The following NKAIN2 variants were observed in gnomAD, a reference collection of about 807,000 sequenced individuals.
NKAIN2 encodes sodium/potassium-transporting ATPase subunit beta-1-interacting protein 2.
In NKAIN2, 14 loss-of-function variants were observed where a neutral mutation model predicts 32.6. That is an observed-to-expected ratio of 0.43 (90% CI 0.28 to 0.67). The LOEUF is 0.67. Among genes scored for constraint, NKAIN2 ranks in the 30% least tolerant of loss-of-function variants. The pLI, the probability that NKAIN2 is intolerant of heterozygous loss-of-function variation, is 0.17. For synonymous variants in NKAIN2, 80 were observed against 87.2 expected, an observed-to-expected ratio of 0.92 and a Z score of 0.46; for missense variants, 198 against 258.3, an observed-to-expected ratio of 0.77 and a Z score of 1.60.
intron 2 of NKAIN2, among the ~76,000 whole-genome samples, chr6:124,289,114 T>C (rs972201254): frequency 6.6e-6 from 1 of 152,224 alleles, no homozygotes; most frequent in Admixed American, 6.5e-5. Context: ...ACTCTAAGAC[T>C]GTCATAATAA....
chr6:124,136,376 G>C (rs773329638), intron 1 of NKAIN2, among the ~76,000 whole-genome samples: 1 of 151,786 alleles, frequency 6.6e-6, no homozygotes, highest in Non-Finnish European at 1.5e-5. Flanking sequence ...TTAAAAAGTT[G>C]CCAACAAAAA....
At chr6:124,520,718 C>A (rs1172346574) in intron 3 of NKAIN2, among the ~76,000 whole-genome samples, 2 of 152,076 alleles carry the variant, frequency 1.3e-5, no homozygotes, top group African/African-American at 4.8e-5. Context: ...AATTCTTATT[C>A]ATTATTTACA....
intron 1 of NKAIN2, among the ~76,000 whole-genome samples, chr6:124,192,455 A>T (rs757099444): frequency 5.9e-4 from 89 of 152,128 alleles, no homozygotes; most frequent in Non-Finnish European, 1.1e-3. Flanking sequence ...CAAAGAACAT[A>T]TTGTATAAGA....
chr6:124,598,220 G>GT (rs1363797449), intron 3 of NKAIN2, among the ~76,000 whole-genome samples: 1 of 152,114 alleles, frequency 6.6e-6, no homozygotes, highest in Non-Finnish European at 1.5e-5. Context: ...ATGCCTCTAT[G>GT]TTTTTTAGTT....
intron 1 of NKAIN2, among the ~76,000 whole-genome samples, chr6:124,126,182 A>G (rs1270476485): frequency 1.3e-5 from 2 of 152,068 alleles, no homozygotes; most frequent in Admixed American, 1.3e-4. Flanking sequence ...TCCACCCACA[A>G]TACTGTCTGT....
chr6:123,993,875 A>ATTT (rs1779509268), intron 1 of NKAIN2, among the ~76,000 whole-genome samples: 1 of 152,202 alleles, frequency 6.6e-6, no homozygotes, highest in African/African-American at 2.4e-5. Flanking sequence ...TTCCAATAGA[A>ATTT]CCATGCTACA....
At chr6:124,156,143 C>T (rs755593152) in intron 1 of NKAIN2, among the ~76,000 whole-genome samples, 10 of 151,950 alleles carry the variant, frequency 6.6e-5, no homozygotes, top group Middle Eastern at 3.4e-3. Flanking sequence ...TGATTTTAGA[C>T]ACTTAAGGGG....
chr6:124,135,086 G>A (rs958822901), intron 1 of NKAIN2, among the ~76,000 whole-genome samples: 1 of 151,972 alleles, frequency 6.6e-6, no homozygotes, highest in South Asian at 2.1e-4. Context: ...GAGAGAATTC[G>A]CCACTACCAA....
chr6:124,513,076 A>G (rs1778777425), intron 3 of NKAIN2, among the ~76,000 whole-genome samples: 1 of 152,188 alleles, frequency 6.6e-6, no homozygotes, highest in Non-Finnish European at 1.5e-5. Context: ...AAAATGAATC[A>G]GTGGAAAAGA....
At chr6:124,403,709 A>C (rs1773726403) in intron 3 of NKAIN2, among the ~76,000 whole-genome samples, 2 of 152,196 alleles carry the variant, frequency 1.3e-5, no homozygotes, top group African/African-American at 4.8e-5. Context: ...GAGAGAAATC[A>C]AAAACAGATA....
chr6:123,928,736 C>A (rs1396952899), intron 1 of NKAIN2, among the ~76,000 whole-genome samples: 1 of 152,098 alleles, frequency 6.6e-6, no homozygotes, highest in Non-Finnish European at 1.5e-5. Context: ...CTGTATGAAT[C>A]AGTAATTTCA....
chr6:124,367,624 C>T (rs921075291), intron 3 of NKAIN2, among the ~76,000 whole-genome samples: 1 of 152,106 alleles, frequency 6.6e-6, no homozygotes, highest in African/African-American at 2.4e-5. Context: ...TCCCTAACTG[C>T]TATGTGATTA....
intron 1 of NKAIN2, among the ~76,000 whole-genome samples, chr6:124,020,161 A>G (rs1780801292): frequency 6.6e-6 from 1 of 152,158 alleles, no homozygotes; most frequent in Non-Finnish European, 1.5e-5. Context: ...TGTGAAGTGT[A>G]CATCTGTACC....
At chr6:124,751,233 A>C (rs1777703516) in intron 4 of NKAIN2, among the ~76,000 whole-genome samples, 1 of 152,004 alleles carries the variant, frequency 6.6e-6, no homozygotes, top group Admixed American at 6.6e-5. Context: ...TGATTATTAC[A>C]TTTCAGAGAA....
chr6:124,307,178 A>T (rs1015776697), intron 2 of NKAIN2, among the ~76,000 whole-genome samples: 3 of 152,174 alleles, frequency 2.0e-5, no homozygotes, highest in Non-Finnish European at 4.4e-5. Flanking sequence ...CTGATAAAAA[A>T]TTATATATGG....
chr6:123,989,127 T>G (rs1428788500), intron 1 of NKAIN2, among the ~76,000 whole-genome samples: 1 of 152,158 alleles, frequency 6.6e-6, no homozygotes, highest in Non-Finnish European at 1.5e-5. Flanking sequence ...TATGTGAGGA[T>G]GTTCCATTGG....
chr6:124,043,505 G>A (rs1781972130), intron 1 of NKAIN2, among the ~76,000 whole-genome samples: 1 of 151,946 alleles, frequency 6.6e-6, no homozygotes, highest in African/African-American at 2.4e-5. Context: ...CCTTAAAAAG[G>A]TAAAACAAAT....
chr6:124,205,229 G>A (rs118003191), intron 1 of NKAIN2, among the ~76,000 whole-genome samples: 2,675 of 151,904 alleles, frequency 0.018, 34 homozygotes, highest in Non-Finnish European at 0.028. Context: ...AATTCCGTGA[G>A]GAAGGGCGCA....
intron 4 of NKAIN2, among the ~76,000 whole-genome samples, chr6:124,677,241 T>A (rs1773404760): frequency 6.6e-6 from 1 of 152,234 alleles, no homozygotes; most frequent in Non-Finnish European, 1.5e-5. Flanking sequence ...AGTGCTGGGA[T>A]TACAGGCGTG....
Sources: gnomAD v4.1 joint callset for allele counts (sites outside exome capture counted in the v4.1 genomes callset) on GRCh38, gnomAD v4.1.1 for gene constraint, MANE v1.5 for transcripts, NCBI Gene and HGNC (gene_info 2026-07-23, HGNC 2026-07-21) for gene names.